LCORL: variants seen among roughly 807,000 people sequenced by gnomAD.
LCORL encodes the protein ligand dependent nuclear receptor corepressor like.
LCORL carries 41 observed loss-of-function variants against 141.8 expected under a neutral mutation model. That is an observed-to-expected ratio of 0.29 (90% confidence interval 0.23 to 0.38). The LOEUF (loss-of-function observed/expected upper bound fraction) is 0.38. LCORL is among the 10% of genes least tolerant of loss of function. LCORL has a pLI of 1.00. For synonymous variants in LCORL, 618 were observed against 694.1 expected (o/e 0.89, Z 1.72); for missense variants, 1,759 against 2,035.0 (o/e 0.86, Z 2.61).
intron 7 of LCORL, among the ~76,000 whole-genome samples, chr4:17,848,969 G>A (rs1345924226): frequency 2.6e-5 from 4 of 152,246 alleles, no homozygotes; most frequent in Non-Finnish European, 5.9e-5. Flanking sequence ...GCAGCAGCGA[G>A]GCTGGGGGAG....
chr4:17,872,594 C>T (rs1726480300), intron 7 of LCORL, among the ~76,000 whole-genome samples: 1 of 152,024 alleles, frequency 6.6e-6, no homozygotes, highest in Non-Finnish European at 1.5e-5. Flanking sequence ...AACATCTGGT[C>T]AGTATAACTG....
Position 17,877,417 on chromosome 4 carries a change from C to T in LCORL, c.1573G>A (p.Ala525Thr), listed in dbSNP as rs182515571. 2.4e-5 allele frequency: 29 copies of T among 1,229,634 alleles called. No homozygotes were observed. The Admixed American group carries it at 1.1e-3, about 45-fold the overall frequency. The allele number at this position is 1,229,634 out of a possible 1,614,324, so 76.2% of individuals were successfully genotyped here. ...TCCATTAAATCTTGAAAAATTACAG[C>T]AGTTTCACCTTTTTCATGATTTGTA... Residue 525 changes from alanine to threonine, a missense_variant, in exon 7 of 8, where the codon GCT (alanine) becomes ACT (threonine). By Grantham distance (58) the Ala-to-Thr change is moderately conservative. Transcript: ENST00000635767.
At chr4:17,915,653 A>G (rs939372169) in intron 4 of LCORL, among the ~76,000 whole-genome samples, 6 of 152,214 alleles carry the variant, frequency 3.9e-5, no homozygotes, top group African/African-American at 4.8e-5. Context: ...AATGAGGTAA[A>G]TATTACTGGA....
In LCORL at chr4:17,930,105, C is replaced by T. The variant is rs367754372; in HGVS notation, c.431-20760G>A. 2.8e-4 allele frequency among the ~76,000 whole-genome samples: 42 copies of T among 152,216 alleles called. No homozygotes were observed. The East Asian group carries it at 4.2e-3, about 15-fold the overall frequency. ...GTAATAAAAAAAATACAGATAATAA[C>T]AAGTATTGTGGAGGATGTGGAAAAA... On this transcript the variant is annotated intron_variant, in intron 4 of 7. Transcript: ENST00000635767.
At chr4:17,866,449 A>G (rs1390776008) in intron 7 of LCORL, among the ~76,000 whole-genome samples, 4 of 152,234 alleles carry the variant, frequency 2.6e-5, no homozygotes, top group African/African-American at 4.8e-5. Flanking sequence ...TGTGTCTAAC[A>G]TACTGCCTAG....
chr4:17,916,643 C>CTTTTT (rs1057287592), intron 4 of LCORL, among the ~76,000 whole-genome samples: 4 of 113,120 alleles, frequency 3.5e-5, no homozygotes, highest in Admixed American at 9.6e-5. Flanking sequence ...AATTAAATGT[C>CTTTTT]TTTTTTTTTT....
At chr4:17,883,066 T>G in intron 6 of LCORL, 1 of 975,778 alleles carries the variant, frequency 1.0e-6, no homozygotes, top group East Asian at 1.1e-4. Flanking sequence ...AACCCCAACT[T>G]CTTGCTAAAT....
intron 4 of LCORL, among the ~76,000 whole-genome samples, chr4:17,914,496 C>T (rs1733076569): frequency 6.6e-6 from 1 of 152,132 alleles, no homozygotes; most frequent in African/African-American, 2.4e-5. Context: ...TCCCTTTATA[C>T]TATATTGTGG....
In LCORL at chr4:17,912,107, G is replaced by A. The variant is rs967866195; in HGVS notation, c.431-2762C>T. The A allele has an allele frequency of 1.1e-4, 86 of 762,154 alleles. No homozygotes were observed. In the African/African-American group the frequency reaches 1.3e-3, roughly 12 times the overall value. The allele number at this position is 762,154 out of a possible 1,614,324, so 47.2% of individuals were successfully genotyped here. On this transcript the variant is annotated intron_variant, in intron 4 of 7. Transcript: ENST00000635767. ...TACTTCAAGACCACCAAGGACGTGA[G>A]GGCTCAAATTTTCGCAAATACTGTG...
chr4:17,884,618 G>C lies in LCORL; in HGVS notation c.776+1450C>G. ...TAAGTGAAGAAGTAAAGTTTTTTGAGGTATGCCATAAAGTATGCCTGCTTT... is the reference window on the plus strand; with the variant it reads ...TAAGTGAAGAAGTAAAGTTTTTTGACGTATGCCATAAAGTATGCCTGCTTT... On this transcript the variant is annotated intron_variant, in intron 6 of 7. Coordinates refer to ENST00000635767, the Ensembl canonical transcript of LCORL. The surrounding 1 kb of genome is among the most constrained non-coding windows in gnomAD (Gnocchi z 4.4). 1 of 1,547,250 alleles carries C rather than the reference G, an allele frequency of 6.5e-7. No homozygotes were observed. Among genetic ancestry groups the C allele is most frequent in the Non-Finnish European group, 8.7e-7 (1 of 1,145,380 alleles).
chr4:17,945,768 G>A (rs1443419579), intron 4 of LCORL, among the ~76,000 whole-genome samples: 1 of 151,424 alleles, frequency 6.6e-6, no homozygotes, highest in East Asian at 1.9e-4. Flanking sequence ...ATATATAGTG[G>A]CTATGAAAAT....
At chr4:18,001,104 G>A (rs893989360) in intron 1 of LCORL, among the ~76,000 whole-genome samples, 4 of 152,138 alleles carry the variant, frequency 2.6e-5, no homozygotes, top group Non-Finnish European at 4.4e-5. Flanking sequence ...CTAGGTGTTC[G>A]AAGCTGCAGT....
chr4:17,848,900 T>A (rs1280348128), intron 7 of LCORL, among the ~76,000 whole-genome samples: 2 of 152,104 alleles, frequency 1.3e-5, no homozygotes, highest in Non-Finnish European at 2.9e-5. Context: ...GCTCGGAGGG[T>A]CCTACGCCCA....
In LCORL at chr4:18,021,384, G is replaced by C. The variant is rs925710570; in HGVS notation, c.154+214C>G. Among the ~76,000 whole-genome samples the C allele has an allele frequency of 1.3e-5, 2 of 152,142 alleles. No individual in the cohort carries two copies. The highest frequency in any genetic ancestry group is 2.9e-5 in the Non-Finnish European group (2 of 67,982). ...CTAACAGTTCCCGGGGAGCCCAAGA[G>C]CTGGGAAGGCGAAGGAGCGCGGACC... is the stretch of plus-strand genomic sequence containing the variant. On this transcript the variant is annotated intron_variant, in intron 1 of 7. Coordinates refer to ENST00000635767, the Ensembl canonical transcript of LCORL. This position sits in a 1 kb window ranked among gnomAD's most constrained non-coding sequence, Gnocchi z 5.5.
intron 7 of LCORL, among the ~76,000 whole-genome samples, chr4:17,872,220 A>T (rs1726428589): frequency 6.6e-6 from 1 of 151,996 alleles, no homozygotes; most frequent in Non-Finnish European, 1.5e-5. Context: ...CATACTCCTC[A>T]ATATCCCTCA....
chr4:17,940,122 A>G (rs988678905), intron 4 of LCORL, among the ~76,000 whole-genome samples: 4 of 147,794 alleles, frequency 2.7e-5, no homozygotes, highest in African/African-American at 4.9e-5. Flanking sequence ...GTGTGTATAT[A>G]TATATGTATA....
exon 7 of LCORL, chr4:17,877,306 T>A (rs1263822210): frequency 3.3e-6 from 4 of 1,228,690 alleles, no homozygotes; most frequent in Non-Finnish European, 4.1e-6. Context: ...TTTAAATCAT[T>A]ATATGTATTA....
At chr4:17,915,509 C>T (rs999470623) in intron 4 of LCORL, among the ~76,000 whole-genome samples, 1 of 152,144 alleles carries the variant, frequency 6.6e-6, no homozygotes, top group Non-Finnish European at 1.5e-5. Flanking sequence ...TAATAAAAAA[C>T]TGAAAAGGTA....
In LCORL at chr4:17,940,607, A is replaced by T. The variant is rs1350752604; in HGVS notation, c.430+21296T>A. 2.0e-5 allele frequency among the ~76,000 whole-genome samples: 3 copies of T among 151,624 alleles called. No individual in the cohort carries two copies. In the East Asian group the frequency reaches 5.8e-4, roughly 29 times the overall value. ...TTCAAAGTAGTTGAGAATGTAAAAAATAATTAAAGATATGATATAAAAATA... is the reference window on the plus strand; with the variant it reads ...TTCAAAGTAGTTGAGAATGTAAAAATTAATTAAAGATATGATATAAAAATA... On this transcript the variant is annotated intron_variant, in intron 4 of 7. Coordinates refer to ENST00000635767, the Ensembl canonical transcript of LCORL.
Sources: gnomAD v4.1 joint callset for allele counts (sites outside exome capture counted in the v4.1 genomes callset) on GRCh38, gnomAD v4.1.1 for gene constraint, Gnocchi (gnomAD v3.1) non-coding constraint, MANE v1.5 for transcripts, NCBI Gene and HGNC (gene_info 2026-07-23, HGNC 2026-07-21) for gene names.